The following CHST15 variants were observed in gnomAD, a reference collection of about 807,000 sequenced individuals.
The protein encoded by CHST15 is B cell RAG associated protein (GALNAC4S-6ST).
In CHST15, 30 loss-of-function variants were observed where a neutral mutation model predicts 53.6. The observed-to-expected ratio is 0.56, with a 90% CI of 0.42 to 0.76. The LOEUF (loss-of-function observed/expected upper bound fraction) is 0.76. Among genes scored for constraint, CHST15 ranks in the 30% least tolerant of loss-of-function variants. The pLI is 0.00. For synonymous variants in CHST15, 296 were observed against 289.8 expected (o/e 1.02, Z -0.22); for missense variants, 627 against 740.5 (o/e 0.85, Z 1.78).
At chr10:124,026,903 G>A (rs1386436107) in intron 5 of CHST15, among the ~76,000 whole-genome samples, 5 of 152,180 alleles carry the variant, frequency 3.3e-5, no homozygotes, top group Admixed American at 1.3e-4. Flanking sequence ...AGGCTAACAC[G>A]AGGGGATGGT....
intron 6 of CHST15, among the ~76,000 whole-genome samples, chr10:124,016,887 C>T (rs572863903): frequency 6.6e-6 from 1 of 152,198 alleles, no homozygotes; most frequent in Non-Finnish European, 1.5e-5. Context: ...GCATACACAA[C>T]ACAGGGAGGA....
chr10:124,086,121 G>T (rs1949414853), intron 1 of CHST15, among the ~76,000 whole-genome samples: 1 of 152,214 alleles, frequency 6.6e-6, no homozygotes, highest in Admixed American at 6.5e-5. Context: ...GAGATCCATG[G>T]ATCACCATTA....
At chr10:124,081,042 G>A (rs1949217697) in intron 1 of CHST15, among the ~76,000 whole-genome samples, 1 of 152,204 alleles carries the variant, frequency 6.6e-6, no homozygotes, top group Admixed American at 6.5e-5. Context: ...CTGTGGGGAT[G>A]AGAATGGGGT....
Position 124,008,808 on chromosome 10 carries a change from C to T in CHST15, c.*1341G>A, listed in dbSNP as rs1414272175. ...CAATACTTGAGTGCAAAGCTTCATC[C>T]AGGTCCCACCTGGGCTGTTGCCAAG... is the stretch of plus-strand genomic sequence containing the variant. On this transcript the variant is annotated 3_prime_UTR_variant, in exon 8 of 8. Transcript: ENST00000435907. 1 of 1,201,756 alleles carries T rather than the reference C, an allele frequency of 8.3e-7. No homozygotes were observed. Among genetic ancestry groups the T allele is most frequent in the African/African-American group, 1.6e-5 (1 of 63,334 alleles). The allele number at this position is 1,201,756 out of a possible 1,614,324, so 74.4% of individuals were successfully genotyped here. A position where few individuals can be genotyped will look rare whatever the true frequency, so the allele number is the denominator to read the frequency against.
At chr10:124,016,546 G>A (rs964561939) in intron 6 of CHST15, among the ~76,000 whole-genome samples, 1 of 152,112 alleles carries the variant, frequency 6.6e-6, no homozygotes, top group Non-Finnish European at 1.5e-5. Context: ...TCAGCAAAAC[G>A]CAAAATTGAG....
At chr10:124,082,631 G>A (rs955239270) in intron 1 of CHST15, among the ~76,000 whole-genome samples, 1 of 152,180 alleles carries the variant, frequency 6.6e-6, no homozygotes, top group African/African-American at 2.4e-5. Flanking sequence ...GTTTATGGCC[G>A]CCTCATTCAT....
rs536278226 is a variant in CHST15, at chr10:124,019,476, C to T, written c.1347+1780G>A. Among the ~76,000 whole-genome samples, 6 of 152,286 alleles carry T rather than the reference C, an allele frequency of 3.9e-5. No homozygotes were observed. Among genetic ancestry groups the T allele is most frequent in the Admixed American group, 6.5e-5 (1 of 15,308 alleles). ...CTCCGAGACCCTGTGTCCCCTGTGACGGTGGCCACAGAGCCATTGAGTCAT... is the reference window on the plus strand; with the variant it reads ...CTCCGAGACCCTGTGTCCCCTGTGATGGTGGCCACAGAGCCATTGAGTCAT... On this transcript the variant is annotated intron_variant, in intron 6 of 7. Transcript: ENST00000435907. The surrounding 1 kb of genome is among the most constrained non-coding windows in gnomAD (Gnocchi z 4.6).
intron 1 of CHST15, among the ~76,000 whole-genome samples, chr10:124,075,036 C>T (rs1949027739): frequency 2.0e-5 from 3 of 152,228 alleles, no homozygotes; most frequent in Admixed American, 6.5e-5. Flanking sequence ...CTAAGCCAGA[C>T]TTATTATTCA....
At chr10:124,038,728 G>A in intron 4 of CHST15, 57 bp from the exon 5 acceptor site, 7 of 1,581,016 alleles carry the variant, frequency 4.4e-6, no homozygotes, top group Non-Finnish European at 6.1e-6. Flanking sequence ...CCCACGGAGT[G>A]GCTCTAGGTG....
At position 124,036,665 on chromosome 10, in the gene CHST15, C is replaced by T. The variant is rs1002523710; in HGVS notation, c.1190+1850G>A. ...GACTGTCCTGTCACACCCATGTGCACACACACACACACACACACTTATTTG... is the reference window on the plus strand; with the variant it reads ...GACTGTCCTGTCACACCCATGTGCATACACACACACACACACACTTATTTG... On this transcript the variant is annotated intron_variant, in intron 5 of 7. Coordinates refer to ENST00000435907, the MANE Select transcript of CHST15 (RefSeq NM_001270764.2). This position sits in a 1 kb window ranked among gnomAD's most constrained non-coding sequence, Gnocchi z 5.1. 1.5e-5 allele frequency among the ~76,000 whole-genome samples: 2 copies of T among 132,412 alleles called. No homozygotes were observed. Among genetic ancestry groups the T allele is most frequent in the Admixed American group, 7.6e-5 (1 of 13,154 alleles). The allele number at this position is 132,412 out of a possible 152,430, so 86.9% of individuals were successfully genotyped here.
intron 1 of CHST15, among the ~76,000 whole-genome samples, chr10:124,061,507 G>A (rs1222684885): frequency 1.3e-5 from 2 of 152,160 alleles, no homozygotes; most frequent in Non-Finnish European, 2.9e-5. Context: ...TCTTGGGCAC[G>A]TCTTTATCAG....
rs1160083771 is a variant in CHST15, at chr10:124,038,620, T to A, written c.1085A>T (p.Tyr362Phe). 1 of 1,614,052 alleles carries A rather than the reference T, an allele frequency of 6.2e-7. No homozygotes were observed. The highest frequency in any genetic ancestry group is 1.3e-5 in the African/African-American group (1 of 74,908). ...TGGCTCGCCATCCGTGCTGTTGTCG[T>A]AGAAGAACGTCCAGGCATTATTATC... ...MWDNNAWTFF[Y>F]DNSTDGEPPF... Residue 362 changes from tyrosine (Y) to phenylalanine (F), a missense_variant, in exon 5 of 8, where the codon TAC (tyrosine) becomes TTC (phenylalanine). Transcript: ENST00000435907.
chr10:124,023,238 A>C (rs1367845582), intron 5 of CHST15, among the ~76,000 whole-genome samples: 1 of 152,102 alleles, frequency 6.6e-6, no homozygotes, highest in Non-Finnish European at 1.5e-5. Context: ...TAATCCCAGC[A>C]CTTTAGGAGG....
At chr10:124,010,565 C>T in intron 7 of CHST15, 1 of 985,424 alleles carries the variant, frequency 1.0e-6, no homozygotes, top group Non-Finnish European at 1.2e-6. Context: ...GTGCAGGATG[C>T]CCACCCTCGG....
At chr10:124,061,146 C>G (rs1038486045) in intron 1 of CHST15, among the ~76,000 whole-genome samples, 2 of 152,210 alleles carry the variant, frequency 1.3e-5, no homozygotes, top group Non-Finnish European at 2.9e-5. Flanking sequence ...CAAACTGCCT[C>G]TCACTTCATG....
intron 6 of CHST15, chr10:124,020,511 G>A: frequency 1.0e-6 from 1 of 985,518 alleles, no homozygotes; most frequent in Non-Finnish European, 1.2e-6. Flanking sequence ...AGAGCCTCTT[G>A]GCCTGAAGTC....
intron 1 of CHST15, among the ~76,000 whole-genome samples, chr10:124,085,396 C>T (rs916519530): frequency 2.0e-5 from 3 of 152,144 alleles, no homozygotes; most frequent in African/African-American, 7.2e-5. Flanking sequence ...TTTTAATAGC[C>T]CCAAAACCTA....
At chr10:124,045,585 G>A in intron 2 of CHST15, 82 bp downstream of exon 2, 1 of 1,342,964 alleles carries the variant, frequency 7.4e-7, no homozygotes, top group Non-Finnish European at 1.0e-6. Flanking sequence ...TTCCTTCTGT[G>A]TTCCCAAAGA....
Position 124,044,771 on chromosome 10 carries a change from A to C in CHST15, c.695T>G (p.Leu232Arg). The C allele has an allele frequency of 1.9e-6, 3 of 1,611,486 alleles. No individual in the cohort carries two copies. Among genetic ancestry groups the C allele is most frequent in the Non-Finnish European group, 2.5e-6 (3 of 1,178,780 alleles). The change falls in exon 3 of 8, where the codon CTG becomes CGG. Residue 232 changes from leucine (L) to arginine (R), a missense_variant. This residue lies in a region of CHST15 where 161 missense variants were observed against 117.2 expected (regional missense o/e 1.37). Transcript: ENST00000435907. Reference protein sequence around the residue: ...SKRFRSTFDALRKAFWGHLAH... With the variant: ...SKRFRSTFDARRKAFWGHLAH... ...CAGGTGGCCCCAGAAGGCCTTGCGC[A>C]GGGCGTCGAAGGTGGAGCGGAAGCG...
Sources: allele counts gnomAD v4.1 joint callset (sites outside exome capture counted in the v4.1 genomes callset), GRCh38; gene constraint gnomAD v4.1.1; regional missense constraint gnomAD v4.1.1; non-coding constraint Gnocchi (gnomAD v3.1); transcripts MANE v1.5; gene names NCBI Gene and HGNC (gene_info 2026-07-23, HGNC 2026-07-21).